Variants in IGDCC4 observed in about 807,000 individuals in gnomAD.
IGDCC4 encodes immunoglobulin superfamily DCC subclass member 4.
Under a neutral mutation model 116.6 loss-of-function variants are expected in IGDCC4, and 72 were observed. The ratio of observed to expected loss-of-function variants is 0.62; its 90% CI spans 0.51 to 0.75. The LOEUF (loss-of-function observed/expected upper bound fraction) is 0.75. Ranked by LOEUF, IGDCC4 falls within the 30% of genes least tolerant of loss-of-function variation. The pLI is 0.00. For synonymous variants in IGDCC4, 709 were observed against 719.9 expected (o/e 0.98, Z 0.24); for missense variants, 1,501 against 1,662.4 (o/e 0.90, Z 1.69).
At chr15:65,412,393 T>C (rs1456657356) in intron 1 of IGDCC4, among the ~76,000 whole-genome samples, 1 of 150,972 alleles carries the variant, frequency 6.6e-6, no homozygotes, top group African/African-American at 2.4e-5. Flanking sequence ...GCACCTGTAA[T>C]CTCAGCTACT....
Position 65,384,253 on chromosome 15 carries a change from A to G in IGDCC4, c.3509T>C (p.Val1170Ala). ...PPEAPDLISG[V>A]GDPGQGAAWL... ...GGCTGCCCCCTGCCCTGGATCCCCA[A>G]CACCCGAGATGAGATCAGGAGCCTC... Residue 1170 changes from valine to alanine, a missense_variant, in exon 20 of 20, where the codon GTT becomes GCT. Physicochemically the swap from Val to Ala is moderately conservative, Grantham distance 64. This residue lies in a region of IGDCC4 where 368 missense variants were observed against 355.6 expected (regional missense o/e 1.03). Coordinates refer to ENST00000352385, the MANE Select transcript of IGDCC4 (RefSeq NM_020962.3). This position sits in a 1 kb window ranked among gnomAD's most constrained non-coding sequence, Gnocchi z 4.9. 6.2e-7 allele frequency: 1 copy of G among 1,601,006 alleles called. No homozygotes were observed. Among genetic ancestry groups the G allele is most frequent in the Non-Finnish European group, 8.5e-7 (1 of 1,171,410 alleles).
At chr15:65,396,797 A>G in intron 6 of IGDCC4, 37 bp downstream of exon 6, 1 of 1,548,306 alleles carries the variant, frequency 6.5e-7, no homozygotes, top group Non-Finnish European at 8.7e-7. Context: ...CCCCAGCCCC[A>G]GCTAACCCGC....
chr15:65,412,001 C>A (rs1443558524), intron 1 of IGDCC4, among the ~76,000 whole-genome samples: 1 of 152,202 alleles, frequency 6.6e-6, no homozygotes, highest in East Asian at 1.9e-4. Flanking sequence ...TGAATTGTCT[C>A]TCAATTAAAA....
intron 3 of IGDCC4, among the ~76,000 whole-genome samples, chr15:65,409,955 C>T (rs1053123165): frequency 3.3e-5 from 5 of 152,216 alleles, no homozygotes; most frequent in Non-Finnish European, 5.9e-5. Context: ...ACTACACCTA[C>T]CCAGGCTCCA....
chr15:65,395,133 G>C lies in IGDCC4; in HGVS notation c.1537C>G (p.Arg513Gly). 2 of 1,613,724 alleles carry C rather than the reference G, an allele frequency of 1.2e-6. No homozygotes were observed. The highest frequency in any genetic ancestry group is 1.7e-5 in the Admixed American group (1 of 60,012). Residue 513 changes from arginine (R) to glycine (G), a missense_variant, in exon 8 of 20, where the codon CGC becomes GGC. Arg to Gly is a moderately radical substitution (Grantham distance 125, BLOSUM62 -2). Transcript: ENST00000352385. Reference sequence around the variant, plus strand: ...TGCACCAGTGCTGGGGTGGAGGTGCGGCTGGCTCCCAGCTGGGAGTAGGCC... The same window carrying C: ...TGCACCAGTGCTGGGGTGGAGGTGCCGCTGGCTCCCAGCTGGGAGTAGGCC... ...VVAYSQLGAS[R>G]TSTPALVHTL... is the part of the protein sequence containing the mutation.
chr15:65,415,387 G>T (rs2063133588), intron 1 of IGDCC4, among the ~76,000 whole-genome samples: 1 of 152,236 alleles, frequency 6.6e-6, no homozygotes, highest in Admixed American at 6.5e-5. Context: ...GGGGCTGGCG[G>T]CTGGCTGGGG....
Position 65,410,185 on chromosome 15 carries a change from C to T in IGDCC4, c.556G>A (p.Glu186Lys), listed in dbSNP as rs761228099. ...WEKDQVTLPE[E>K]PRLIVLPNGV... is the part of the protein sequence containing the mutation. ...CCCCTACAGGGCACTCACCGAGGCT[C>T]CTCAGGCAATGTCACCTGGTCCTTC... Residue 186 changes from glutamate (E) to lysine (K), a missense_variant, in exon 3 of 20, where the codon GAG (glutamate) becomes AAG (lysine). Coordinates refer to ENST00000352385, the MANE Select transcript of IGDCC4 (RefSeq NM_020962.3). 1 of 1,613,080 alleles carries T rather than the reference C, an allele frequency of 6.2e-7. No individual in the cohort carries two copies. The highest frequency in any genetic ancestry group is 2.2e-5 in the East Asian group (1 of 44,878).
rs146641579 is a variant in IGDCC4 at position 65,411,240 on chromosome 15, G to C, written c.201C>G (p.Pro67=). 6 of 1,614,096 alleles carry C rather than the reference G, an allele frequency of 3.7e-6. No individual in the cohort carries two copies. Among genetic ancestry groups the C allele is most frequent in the South Asian group, 2.2e-5 (2 of 91,078 alleles). ...CSLGAAAAGP[P]TRVTWSKDGD... is the part of the protein sequence containing the mutation. The stretch of plus-strand genomic sequence containing the variant: ...CATCCTTGCTCCAGGTCACCCTGGT[G>C]GGGGGTCCAGCGGCAGCAGCCCCCA... The change falls in exon 2 of 20, where the codon CCC becomes CCG. Residue 67 remains proline (P), a synonymous_variant. Coordinates refer to ENST00000352385, the MANE Select transcript of IGDCC4 (RefSeq NM_020962.3).
At chr15:65,386,155 G>T in intron 17 of IGDCC4, 96 bp from the exon 18 acceptor site, 1 of 776,142 alleles carries the variant, frequency 1.3e-6, no homozygotes, top group Non-Finnish European at 2.1e-6. Context: ...GGAGGTTCCT[G>T]CCCATCTCTG....
chr15:65,399,447 CAAAA>C (rs112040935), intron 5 of IGDCC4, among the ~76,000 whole-genome samples: 9 of 71,178 alleles, frequency 1.3e-4, no homozygotes, highest in Admixed American at 3.1e-4. Flanking sequence ...GGGTGACAGG[CAAAA>C]AAAAAAAAAA....
At chr15:65,401,327 T>G (rs1302793517) in intron 4 of IGDCC4, among the ~76,000 whole-genome samples, 1 of 152,178 alleles carries the variant, frequency 6.6e-6, no homozygotes, top group Non-Finnish European at 1.5e-5. Flanking sequence ...ACGCACTGGG[T>G]GACCTTTGGC....
intron 1 of IGDCC4, among the ~76,000 whole-genome samples, chr15:65,416,136 CTTTTT>C (rs60072640): frequency 9.0e-5 from 7 of 77,608 alleles, no homozygotes; most frequent in Non-Finnish European, 1.6e-4. Context: ...AATGTTTTGA[CTTTTT>C]TTTTTTTTTT....
chr15:65,388,028 G>A (rs932999182), intron 16 of IGDCC4, among the ~76,000 whole-genome samples: 4 of 152,186 alleles, frequency 2.6e-5, no homozygotes, highest in Non-Finnish European at 4.4e-5. Flanking sequence ...GGCAGATCAC[G>A]AGGTCAGGAG....
At chr15:65,406,242 A>G (rs1024522112) in intron 3 of IGDCC4, among the ~76,000 whole-genome samples, 1 of 152,198 alleles carries the variant, frequency 6.6e-6, no homozygotes, top group Non-Finnish European at 1.5e-5. Context: ...TTTCCATTTT[A>G]TTGCAGTGAG....
chr15:65,385,450 A>C (rs1374120429), intron 18 of IGDCC4: 1 of 516,370 alleles, frequency 1.9e-6, no homozygotes, highest in Non-Finnish European at 3.5e-6. Flanking sequence ...AGCCCAGCGA[A>C]GGCCTCACCT....
rs913253611 is a variant in IGDCC4, at chr15:65,396,131, G to C, written c.1030C>G (p.Leu344Val). 1.0e-5 allele frequency: 15 copies of C among 1,463,592 alleles called. No homozygotes were observed. The highest frequency in any genetic ancestry group is 1.3e-5 in the Non-Finnish European group (15 of 1,114,880). 90.7% of individuals were successfully genotyped at this position (1,463,592 alleles called of 1,614,324 possible). Residue 344 changes from leucine to valine, a missense_variant, in exon 7 of 20, where the codon CTG becomes GTG. Coordinates refer to ENST00000352385, the MANE Select transcript of IGDCC4 (RefSeq NM_020962.3). Reference protein sequence around the residue: ...APAITQAPEALSRTRASTARF... With the variant: ...APAITQAPEAVSRTRASTARF... ...GCTGTGCTCGCCCGCGTCCGCGACA[G>C]CGCCTCGGGCGCCTGAGTGATGGCG...
At chr15:65,412,043 T>G (rs1204652455) in intron 1 of IGDCC4, among the ~76,000 whole-genome samples, 2 of 151,970 alleles carry the variant, frequency 1.3e-5, no homozygotes, top group East Asian at 3.9e-4. Context: ...ACAGAGAGAC[T>G]CCGTCTCTAC....
intron 1 of IGDCC4, among the ~76,000 whole-genome samples, chr15:65,412,641 G>A (rs1181288481): frequency 6.6e-6 from 1 of 151,484 alleles, no homozygotes; most frequent in Non-Finnish European, 1.5e-5. Context: ...ATATGCCACT[G>A]GAGGCCAGGC....
chr15:65,410,912 G>C, intron 2 of IGDCC4, 108 bp downstream of exon 2: 2 of 818,974 alleles, frequency 2.4e-6, no homozygotes, highest in South Asian at 1.8e-5. Context: ...GAAAGGGGGA[G>C]TGGGATCAAG....
Sources: gnomAD v4.1 joint callset for allele counts (sites outside exome capture counted in the v4.1 genomes callset) on GRCh38, gnomAD v4.1.1 for gene constraint, gnomAD v4.1.1 regional missense constraint, Gnocchi (gnomAD v3.1) non-coding constraint, MANE v1.5 for transcripts, NCBI Gene and HGNC (gene_info 2026-07-23, HGNC 2026-07-21) for gene names.